The following NUDC variants were observed in gnomAD, a reference collection of about 807,000 sequenced individuals.
NUDC encodes the protein nuclear migration protein nudC.
NUDC carries 14 observed loss-of-function variants against 45.0 expected under a neutral mutation model. The observed-to-expected ratio is 0.31, with a 90% CI of 0.21 to 0.49. NUDC has a LOEUF of 0.49. NUDC is among the 20% of genes least tolerant of loss of function. The pLI is 0.99. For synonymous variants in NUDC, 153 were observed against 156.7 expected (o/e 0.98, Z 0.17); for missense variants, 323 against 426.2 (o/e 0.76, Z 2.13).
At chr1:26,930,759 G>C (rs919361237) in intron 2 of NUDC, among the ~76,000 whole-genome samples, 3 of 150,930 alleles carry the variant, frequency 2.0e-5, no homozygotes, top group African/African-American at 4.9e-5. Flanking sequence ...GCTCACACCT[G>C]TAATCCCAGC....
intron 2 of NUDC, among the ~76,000 whole-genome samples, chr1:26,935,575 G>T (rs1300503765): frequency 1.3e-5 from 2 of 151,898 alleles, no homozygotes; most frequent in Non-Finnish European, 2.9e-5. Context: ...AGCAGCATGG[G>T]GGTAGCCACC....
intron 2 of NUDC, among the ~76,000 whole-genome samples, chr1:26,927,455 T>A (rs900489125): frequency 1.3e-5 from 2 of 150,466 alleles, no homozygotes; most frequent in Admixed American, 6.7e-5. Flanking sequence ...AGGAGAGCAG[T>A]GGAGCGATCT....
chr1:26,904,103 G>T (rs1027811089), intron 2 of NUDC, among the ~76,000 whole-genome samples: 6 of 147,786 alleles, frequency 4.1e-5, no homozygotes, highest in African/African-American at 1.5e-4. Context: ...TAATGAGTGA[G>T]AAATTGTAGA....
intron 2 of NUDC, among the ~76,000 whole-genome samples, chr1:26,907,326 A>T (rs937914204): frequency 1.3e-5 from 2 of 152,144 alleles, no homozygotes; most frequent in African/African-American, 2.4e-5. Flanking sequence ...ATGTACCCCT[A>T]TCACAGCTCA....
upstream of NUDC, among the ~76,000 whole-genome samples, chr1:26,919,353 G>A (rs892110710): frequency 5.3e-5 from 8 of 152,084 alleles, no homozygotes; most frequent in African/African-American, 1.7e-4. Context: ...CCATCAACTC[G>A]TTATTTAACT....
intron 2 of NUDC, among the ~76,000 whole-genome samples, chr1:26,905,492 A>T (rs1274778556): frequency 6.6e-6 from 1 of 152,144 alleles, no homozygotes; most frequent in Non-Finnish European, 1.5e-5. Context: ...AATAAATTTG[A>T]GAAGTCACAG....
At chr1:26,921,116 C>G (rs997550704), upstream of NUDC, among the ~76,000 whole-genome samples, 1 of 152,296 alleles carries the variant, frequency 6.6e-6, no homozygotes, top group Admixed American at 6.5e-5. Context: ...TGGGTCCTGT[C>G]CCCGCATTAA....
At chr1:26,907,598 A>G (rs2082007987) in intron 2 of NUDC, among the ~76,000 whole-genome samples, 1 of 151,090 alleles carries the variant, frequency 6.6e-6, no homozygotes, top group African/African-American at 2.5e-5. Context: ...GGGACACAGC[A>G]TGCGTCAGCT....
intron 2 of NUDC, among the ~76,000 whole-genome samples, chr1:26,908,834 T>C (rs1282634597): frequency 6.7e-6 from 1 of 148,550 alleles, no homozygotes; most frequent in East Asian, 2.0e-4. Flanking sequence ...CTCTGCCACC[T>C]GGGTTCAAGT....
At chr1:26,915,476 CT>C (rs2082057588) in intron 3 of NUDC, among the ~76,000 whole-genome samples, 1 of 152,190 alleles carries the variant, frequency 6.6e-6, no homozygotes, top group Non-Finnish European at 1.5e-5. Flanking sequence ...TGGAGAGGCC[CT>C]TGGTTGTGTC....
chr1:26,934,022 G>A (rs909256873), intron 2 of NUDC, among the ~76,000 whole-genome samples: 4 of 152,182 alleles, frequency 2.6e-5, no homozygotes, highest in Non-Finnish European at 5.9e-5. Context: ...GTGTGGTGGC[G>A]TGTGCCTGTA....
intron 3 of NUDC, among the ~76,000 whole-genome samples, chr1:26,914,919 A>G (rs1224422161): frequency 6.6e-6 from 1 of 151,828 alleles, no homozygotes; most frequent in Admixed American, 6.6e-5. Flanking sequence ...GTGAGCTGAG[A>G]TCATGCCACT....
intron 2 of NUDC, among the ~76,000 whole-genome samples, chr1:26,909,938 CA>C (rs1262871147): frequency 6.6e-6 from 1 of 151,956 alleles, no homozygotes; most frequent in Non-Finnish European, 1.5e-5. Context: ...TTGAAGTCAC[CA>C]GGGGGAAAGA....
chr1:26,917,367 GC>G (rs1299472408), upstream of NUDC, among the ~76,000 whole-genome samples: 1 of 152,112 alleles, frequency 6.6e-6, no homozygotes, highest in Non-Finnish European at 1.5e-5. Flanking sequence ...TTCGAGACCA[GC>G]CTGGCCAACA....
intron 3 of NUDC, among the ~76,000 whole-genome samples, chr1:26,915,634 C>T (rs2082058316): frequency 6.6e-6 from 1 of 152,104 alleles, no homozygotes; most frequent in Non-Finnish European, 1.5e-5. Flanking sequence ...GGTTATGTGA[C>T]TTGGGTTGAT....
At chr1:26,940,326 A>G (rs1410770875) in intron 2 of NUDC, among the ~76,000 whole-genome samples, 1 of 152,010 alleles carries the variant, frequency 6.6e-6, no homozygotes, top group Non-Finnish European at 1.5e-5. Context: ...AAAATACAAA[A>G]TTAGCCAGGC....
chr1:26,933,267 T>G (rs2082198544), intron 2 of NUDC, among the ~76,000 whole-genome samples: 1 of 151,880 alleles, frequency 6.6e-6, no homozygotes, highest in Non-Finnish European at 1.5e-5. Flanking sequence ...CTTCTGCTGA[T>G]GGACTTTTGG....
upstream of NUDC, among the ~76,000 whole-genome samples, chr1:26,920,058 A>G (rs567528642): frequency 3.4e-4 from 52 of 152,242 alleles, no homozygotes; most frequent in Admixed American, 4.6e-4. Context: ...ATTCCAACCA[A>G]AAGAGAAACC....
chr1:26,941,606 G>A lies in NUDC; in HGVS notation c.309G>A (p.Gln103=). The change falls in exon 3 of 9, where the codon CAG becomes CAA. Residue 103 remains glutamine (Q), a synonymous_variant. Coordinates refer to ENST00000321265, the MANE Select transcript of NUDC (RefSeq NM_006600.4). Reference sequence around the variant, plus strand: ...CCAAGTCAGAGACCTCAGGGCCCCAGATCAAGGAGCTAACTGATGAAGAGG... The same window carrying A: ...CCAAGTCAGAGACCTCAGGGCCCCAAATCAAGGAGCTAACTGATGAAGAGG... The part of the protein sequence containing the change: ...KEAKSETSGP[Q]IKELTDEEAE... 6.2e-7 allele frequency: 1 copy of A among 1,612,542 alleles called. No homozygotes were observed. The highest frequency in any genetic ancestry group is 8.5e-7 in the Non-Finnish European group (1 of 1,179,350).
Sources: gnomAD v4.1 joint callset for allele counts (sites outside exome capture counted in the v4.1 genomes callset) on GRCh38, gnomAD v4.1.1 for gene constraint, MANE v1.5 for transcripts, NCBI Gene and HGNC (gene_info 2026-07-23, HGNC 2026-07-21) for gene names.